The following PUDP variants were observed in gnomAD, a reference collection of about 807,000 sequenced individuals.
PUDP encodes the protein pseudouridine-5'-phosphatase.
PUDP carries 8 observed loss-of-function variants against 9.4 expected under a neutral mutation model. The ratio of observed to expected loss-of-function variants is 0.85; its 90% CI spans 0.50 to 1.53. The LOEUF is 1.53. PUDP is among the 40% of genes most tolerant of loss of function. The pLI is 0.00. For missense variants in PUDP, 188 were observed against 189.7 expected, an observed-to-expected ratio of 0.99 and a Z score of 0.05; for synonymous variants, 99 against 80.7, an observed-to-expected ratio of 1.23 and a Z score of -1.22.
chrX:6,766,365 A>T (rs1245344080), intron 3 of PUDP, among the ~76,000 whole-genome samples: 2 of 112,011 alleles, frequency 1.8e-5, no homozygotes, highest in Non-Finnish European at 3.8e-5. Flanking sequence ...ACTCTAAACC[A>T]TATTTGAGGG....
At chrX:7,085,881 C>T (rs191670585) in intron 2 of PUDP, among the ~76,000 whole-genome samples, 1 of 111,421 alleles carries the variant, frequency 9.0e-6, no homozygotes, top group Admixed American at 9.5e-5. Flanking sequence ...AAGGTCACAC[C>T]GCTACATGAC....
intron 3 of PUDP, among the ~76,000 whole-genome samples, chrX:6,922,623 C>G (rs1436208449): frequency 3.6e-5 from 4 of 111,642 alleles, no homozygotes; most frequent in African/African-American, 1.3e-4. Flanking sequence ...TTCAGCATCT[C>G]CATTCCCATC....
chrX:7,123,719 G>A lies in PUDP; in HGVS notation c.62-17881C>T, dbSNP rs371460642. ...GATTCCTTGCAAACAACAGCCCAAA[G>A]AGAGCTGAAGTAGCTATAGTAATAT... On this transcript the variant is annotated intron_variant, in intron 1 of 3. Transcript: ENST00000381077. 2.0e-4 allele frequency among the ~76,000 whole-genome samples: 22 copies of A among 111,797 alleles called. No homozygotes were observed. The East Asian group carries it at 4.8e-3, about 24-fold the overall frequency.
At chrX:6,898,310 T>G (rs1313070028) in intron 3 of PUDP, among the ~76,000 whole-genome samples, 1 of 113,025 alleles carries the variant, frequency 8.8e-6, no homozygotes, top group Non-Finnish European at 1.9e-5. Context: ...AACTCAACTC[T>G]GTTTTTCTTT....
In PUDP at chrX:6,751,553, G is replaced by T. The variant is rs1394466581; in HGVS notation, c.*248-45087C>A. Among the ~76,000 whole-genome samples the T allele has an allele frequency of 2.7e-5, 3 of 111,644 alleles. No individual in the cohort carries two copies. In the Admixed American group the frequency reaches 2.9e-4, roughly 11 times the overall value. On this transcript the variant is annotated intron_variant and NMD_transcript_variant, in intron 3 of 3. Transcript: ENST00000655425. ...ATTTCCTTTGAAAAGAGAAGAAAAA[G>T]AAATAAAATAGCAGGTAGCCACAAT... is the stretch of plus-strand genomic sequence containing the variant.
intron 3 of PUDP, among the ~76,000 whole-genome samples, chrX:6,776,222 T>C (rs1031850030): frequency 8.1e-5 from 9 of 110,914 alleles, no homozygotes; most frequent in African/African-American, 3.0e-4. Context: ...CAACATTACC[T>C]AGGAACTTAT....
intron 2 of PUDP, among the ~76,000 whole-genome samples, chrX:7,097,449 G>A (rs1264765001): frequency 1.1e-4 from 12 of 111,033 alleles, no homozygotes; most frequent in African/African-American, 3.9e-4. Flanking sequence ...GGACTCCCCC[G>A]AGGTCACCCC....
At chrX:7,064,796 C>G (rs1234505706) in intron 3 of PUDP, among the ~76,000 whole-genome samples, 1 of 111,931 alleles carries the variant, frequency 8.9e-6, no homozygotes, top group African/African-American at 3.2e-5. Flanking sequence ...GTCTTCTTTT[C>G]TACAGAAAAC....
chrX:6,760,294 T>C (rs1925215754), intron 3 of PUDP, among the ~76,000 whole-genome samples: 1 of 112,124 alleles, frequency 8.9e-6, no homozygotes, highest in South Asian at 3.7e-4. Flanking sequence ...TTTTGAGCCC[T>C]GGAGGCTCTG....
intron 3 of PUDP, among the ~76,000 whole-genome samples, chrX:6,729,045 T>C (rs1299129159): frequency 2.7e-5 from 3 of 111,643 alleles, no homozygotes; most frequent in Non-Finnish European, 3.8e-5. Context: ...GGGAGGAAGA[T>C]CACAGAGGCA....
chrX:6,767,728 T>C (rs1411858211), intron 3 of PUDP, among the ~76,000 whole-genome samples: 2 of 112,203 alleles, frequency 1.8e-5, no homozygotes. Flanking sequence ...GAATGAGGAA[T>C]GGGATTCGAG....
intron 3 of PUDP, among the ~76,000 whole-genome samples, chrX:6,875,623 G>A (rs1172191217): frequency 9.0e-6 from 1 of 111,483 alleles, no homozygotes; most frequent in Non-Finnish European, 1.9e-5. Context: ...TTCATTCAGA[G>A]CCCTATTTCA....
At chrX:7,137,630 T>G (rs1325532126) in intron 1 of PUDP, among the ~76,000 whole-genome samples, 1 of 112,555 alleles carries the variant, frequency 8.9e-6, no homozygotes, top group African/African-American at 3.2e-5. Flanking sequence ...TTCAATCTCA[T>G]GAGCAAACAT....
rs139468749 is a variant in PUDP, at chrX:6,875,938, T to C, written c.*247+101195A>G. On this transcript the variant is annotated intron_variant and NMD_transcript_variant, in intron 3 of 3. Coordinates refer to the PUDP transcript ENST00000655425. Reference sequence around the variant, plus strand: ...TTGAAAAGCAATGGTATTTTATTATTACATAGTTCATTATTTTTTCTAGTA... The same window carrying C: ...TTGAAAAGCAATGGTATTTTATTATCACATAGTTCATTATTTTTTCTAGTA... 2.8e-3 allele frequency among the ~76,000 whole-genome samples: 310 copies of C among 112,419 alleles called. 5 individuals carry two copies. Among genetic ancestry groups the C allele is most frequent in the Admixed American group, 0.022 (238 of 10,605 alleles).
At chrX:6,833,477 A>AAATG (rs199835282) in intron 3 of PUDP, among the ~76,000 whole-genome samples, 1 of 111,986 alleles carries the variant, frequency 8.9e-6, no homozygotes, top group Non-Finnish European at 1.9e-5. Flanking sequence ...ATGAAGGCAC[A>AAATG]AATGAATGAA....
intron 3 of PUDP, among the ~76,000 whole-genome samples, chrX:6,883,850 G>GT (rs1198604670): frequency 1.9e-3 from 210 of 110,202 alleles, no homozygotes; most frequent in African/African-American, 6.3e-3. Flanking sequence ...TTTTTTGTTT[G>GT]TTTTTTTTGA....
chrX:6,799,660 A>C (rs1925898711), intron 3 of PUDP, among the ~76,000 whole-genome samples: 1 of 111,376 alleles, frequency 9.0e-6, no homozygotes, highest in Non-Finnish European at 1.9e-5. Flanking sequence ...CAACATGGAG[A>C]AACCCAGTCT....
intron 3 of PUDP, among the ~76,000 whole-genome samples, chrX:7,054,573 C>T (rs1444373704): frequency 1.8e-5 from 2 of 111,721 alleles, no homozygotes; most frequent in Admixed American, 1.9e-4. Context: ...CAGCACAAGA[C>T]CCTTGCAAAG....
chrX:6,793,514 T>C lies in PUDP; in HGVS notation c.*248-87048A>G, dbSNP rs758619396. Among the ~76,000 whole-genome samples, 6 of 112,398 alleles carry C rather than the reference T, an allele frequency of 5.3e-5. No homozygotes were observed. The South Asian group carries it at 2.2e-3, about 42-fold the overall frequency. ...ATTCGAACCATAGCAGGAGTCATGATGGAATGCATTTAAAGTACACATAAA... is the reference window on the plus strand; with the variant it reads ...ATTCGAACCATAGCAGGAGTCATGACGGAATGCATTTAAAGTACACATAAA... On this transcript the variant is annotated intron_variant and NMD_transcript_variant, in intron 3 of 3. Transcript: ENST00000655425.
Sources: allele counts gnomAD v4.1 joint callset (sites outside exome capture counted in the v4.1 genomes callset), GRCh38; gene constraint gnomAD v4.1.1; transcripts MANE v1.5; gene names NCBI Gene and HGNC (gene_info 2026-07-23, HGNC 2026-07-21).